The following SUPT3H variants were observed in gnomAD, a reference collection of about 807,000 sequenced individuals.
The protein encoded by SUPT3H is SPT3 homolog, SAGA and STAGA complex component.
SUPT3H carries 44 observed loss-of-function variants against 44.3 expected under a neutral mutation model. The ratio of observed to expected loss-of-function variants is 0.99; its 90% CI spans 0.78 to 1.28. The LOEUF (loss-of-function observed/expected upper bound fraction) is 1.28, where lower values mean the gene tolerates loss of function less well. Among genes scored for constraint, SUPT3H ranks in the 50% most tolerant of loss-of-function variants. The pLI, the probability that SUPT3H is intolerant of heterozygous loss-of-function variation, is 0.00. For missense variants in SUPT3H, 380 were observed against 387.1 expected (o/e 0.98, Z 0.15); for synonymous variants, 124 against 125.6 (o/e 0.99, Z 0.09).
At chr6:44,929,919 CTG>C (rs2153460460) in intron 10 of SUPT3H, among the ~76,000 whole-genome samples, 1 of 152,168 alleles carries the variant, frequency 6.6e-6, no homozygotes, top group Non-Finnish European at 1.5e-5. Context: ...ACCCTGAAAC[CTG>C]TGTCACCCTG....
intron 3 of SUPT3H, among the ~76,000 whole-genome samples, chr6:45,026,591 CAGAT>C (rs1431691325): frequency 3.3e-5 from 5 of 152,048 alleles, no homozygotes; most frequent in African/African-American, 4.8e-5. Flanking sequence ...AATTTTATGA[CAGAT>C]AGGAATACCT....
intron 10 of SUPT3H, among the ~76,000 whole-genome samples, chr6:44,853,271 T>C (rs988101816): frequency 2.0e-5 from 3 of 152,204 alleles, no homozygotes; most frequent in Non-Finnish European, 4.4e-5. Flanking sequence ...AGGCAGTTGC[T>C]CCACAACCCA....
At chr6:45,229,193 A>AATTTT (rs1767501356) in intron 2 of SUPT3H, among the ~76,000 whole-genome samples, 1 of 152,004 alleles carries the variant, frequency 6.6e-6, no homozygotes, top group Non-Finnish European at 1.5e-5. Context: ...TGGGTTTTTT[A>AATTTT]ATTTTATTTT....
Position 45,315,974 on chromosome 6 carries a change from T to TAGATA in SUPT3H, c.101+49226_101+49227insTATCT, listed in dbSNP as rs1554339651. ...ATAGATAGATAGATAGATAGATAGATGATGGAATACTACTCAACCATACAA... is the reference window on the plus strand; with the variant it reads ...ATAGATAGATAGATAGATAGATAGATAGATAGATGGAATACTACTCAACCATACAA... On this transcript the variant is annotated intron_variant, in intron 2 of 10. Transcript: ENST00000371459. Among the ~76,000 whole-genome samples the TAGATA allele has an allele frequency of 8.0e-5, 12 of 150,282 alleles. No homozygotes were observed. The East Asian group carries it at 2.0e-3, about 25-fold the overall frequency.
intron 2 of SUPT3H, among the ~76,000 whole-genome samples, chr6:45,222,240 C>T (rs1014670390): frequency 1.3e-5 from 2 of 152,164 alleles, no homozygotes; most frequent in African/African-American, 4.8e-5. Flanking sequence ...ACATTAGATA[C>T]ATTGCACCTC....
intron 9 of SUPT3H, among the ~76,000 whole-genome samples, chr6:44,947,550 C>CA (rs1050072551): frequency 1.3e-5 from 2 of 151,902 alleles, no homozygotes. Flanking sequence ...CCAGGCTTTT[C>CA]TTTTTTTTCT....
chr6:44,903,447 C>G (rs1765446081), intron 10 of SUPT3H, among the ~76,000 whole-genome samples: 2 of 152,140 alleles, frequency 1.3e-5, no homozygotes, highest in African/African-American at 4.8e-5. Flanking sequence ...TGGATAAATT[C>G]CTGGACACAT....
At chr6:45,308,326 A>T (rs1783418021) in intron 2 of SUPT3H, among the ~76,000 whole-genome samples, 1 of 152,208 alleles carries the variant, frequency 6.6e-6, no homozygotes, top group Admixed American at 6.5e-5. Flanking sequence ...ATGAAGGAAA[A>T]AATGTTAAGG....
Position 45,348,512 on chromosome 6 carries a change from C to CAAAAAAAAA in SUPT3H, c.101+16680_101+16688dup, listed in dbSNP as rs754208599. Reference sequence around the variant, plus strand: ...TGAAACCCCGTCTCTACTAAAAATACAAAAAAAAAAAAGTTATCCAGGTAT... The same window carrying CAAAAAAAAA: ...TGAAACCCCGTCTCTACTAAAAATACAAAAAAAAAAAAAAAAAAAAAGTTATCCAGGTAT... On this transcript the variant is annotated intron_variant, in intron 2 of 10. Coordinates refer to ENST00000371459, the MANE Select transcript of SUPT3H (RefSeq NM_003599.4). Among the ~76,000 whole-genome samples, 138 of 110,364 alleles carry CAAAAAAAAA rather than the reference C, an allele frequency of 1.3e-3. 4 individuals are homozygous for CAAAAAAAAA. Among genetic ancestry groups the CAAAAAAAAA allele is most frequent in the African/African-American group, 4.9e-3 (133 of 27,330 alleles). 72.4% of individuals were successfully genotyped at this position (110,364 alleles called of 152,430 possible). A position where few individuals can be genotyped will look rare whatever the true frequency, so the allele number is the denominator to read the frequency against.
chr6:44,901,919 A>C (rs1424818648), intron 10 of SUPT3H, among the ~76,000 whole-genome samples: 1 of 152,214 alleles, frequency 6.6e-6, no homozygotes, highest in Non-Finnish European at 1.5e-5. Flanking sequence ...TATCCAGCCA[A>C]ACTAAGCTTC....
At chr6:44,995,510 C>T (rs1009179698) in intron 6 of SUPT3H, among the ~76,000 whole-genome samples, 3 of 152,088 alleles carry the variant, frequency 2.0e-5, no homozygotes, top group African/African-American at 7.2e-5. Context: ...TTAACTGACA[C>T]TTTACGAGTT....
intron 11 of SUPT3H, among the ~76,000 whole-genome samples, chr6:44,819,142 CAT>C (rs1767109169): frequency 6.6e-6 from 1 of 152,088 alleles, no homozygotes; most frequent in Non-Finnish European, 1.5e-5. Flanking sequence ...TCAGCAATAA[CAT>C]ATAATGAACT....
intron 10 of SUPT3H, among the ~76,000 whole-genome samples, chr6:44,841,794 G>C (rs995070028): frequency 1.6e-4 from 25 of 152,120 alleles, no homozygotes; most frequent in African/African-American, 6.0e-4. Flanking sequence ...GCCTACTTTT[G>C]CTTATTCATT....
intron 2 of SUPT3H, among the ~76,000 whole-genome samples, chr6:45,253,418 CAG>C (rs1772730048): frequency 6.6e-6 from 1 of 152,136 alleles, no homozygotes; most frequent in African/African-American, 2.4e-5. Flanking sequence ...CCGAAGAAAA[CAG>C]TGTAACTGAG....
intron 2 of SUPT3H, among the ~76,000 whole-genome samples, chr6:45,336,732 A>C (rs1029530296): frequency 6.6e-6 from 1 of 151,466 alleles, no homozygotes; most frequent in African/African-American, 2.4e-5. Context: ...TTACAAAGTA[A>C]ATACATATTA....
At chr6:45,047,741 C>T (rs1789627132) in intron 3 of SUPT3H, among the ~76,000 whole-genome samples, 1 of 152,104 alleles carries the variant, frequency 6.6e-6, no homozygotes, top group Non-Finnish European at 1.5e-5. Flanking sequence ...TTCTCCACAT[C>T]CTCTCAAACA....
rs530900312 is a variant in SUPT3H at position 45,282,363 on chromosome 6, A to G, written c.101+82838T>C. 1.2e-4 allele frequency among the ~76,000 whole-genome samples: 18 copies of G among 152,310 alleles called. No homozygotes were observed. The East Asian group carries it at 3.5e-3, about 29-fold the overall frequency. On this transcript the variant is annotated intron_variant, in intron 2 of 10. Transcript: ENST00000371459. Reference sequence around the variant, plus strand: ...AAAAAAATTAGACGAATGGCTAACTAGAATAACCAATGCAGAGAAGTCCTT... The same window carrying G: ...AAAAAAATTAGACGAATGGCTAACTGGAATAACCAATGCAGAGAAGTCCTT...
chr6:45,281,257 T>A (rs1778005156), intron 2 of SUPT3H, among the ~76,000 whole-genome samples: 1 of 152,130 alleles, frequency 6.6e-6, no homozygotes, highest in Admixed American at 6.5e-5. Context: ...GGACAGTGGG[T>A]GCAGCGCACC....
intron 6 of SUPT3H, among the ~76,000 whole-genome samples, chr6:45,002,013 T>C (rs1782071977): frequency 6.6e-6 from 1 of 152,102 alleles, no homozygotes; most frequent in Admixed American, 6.6e-5. Flanking sequence ...AGCTACTCTG[T>C]TATGTTGGCC....
Sources: gnomAD v4.1 joint callset for allele counts (sites outside exome capture counted in the v4.1 genomes callset) on GRCh38, gnomAD v4.1.1 for gene constraint, MANE v1.5 for transcripts, NCBI Gene and HGNC (gene_info 2026-07-23, HGNC 2026-07-21) for gene names.